Variants in GAB2 observed in about 807,000 individuals in gnomAD.
GAB2 encodes GRB2-associated-binding protein 2.
Under a neutral mutation model 65.5 loss-of-function variants are expected in GAB2, and 26 were observed. That is an observed-to-expected ratio of 0.40 (90% CI 0.29 to 0.55). The LOEUF is 0.55. GAB2 is among the 20% of genes least tolerant of loss of function. The pLI is 0.53. For synonymous variants in GAB2, 321 were observed against 329.6 expected (o/e 0.97, Z 0.28); for missense variants, 884 against 875.8 (o/e 1.01, Z -0.12).
intron 2 of GAB2, among the ~76,000 whole-genome samples, chr11:78,276,227 G>T (rs1373726652): frequency 6.6e-6 from 1 of 151,968 alleles, no homozygotes. Flanking sequence ...TTGAGCCCAG[G>T]AGTTCGAGGC....
At chr11:78,363,840 T>G (rs1856465246) in intron 1 of GAB2, among the ~76,000 whole-genome samples, 1 of 152,010 alleles carries the variant, frequency 6.6e-6, no homozygotes, top group African/African-American at 2.4e-5. Flanking sequence ...CACCTCAGCC[T>G]CCCAAACTGC....
chr11:78,273,481 T>C (rs1590987892), intron 2 of GAB2, among the ~76,000 whole-genome samples: 1 of 152,370 alleles, frequency 6.6e-6, no homozygotes, highest in East Asian at 1.9e-4. Context: ...GTAGCCCCTT[T>C]GTTTTGGCCA....
intron 1 of GAB2, among the ~76,000 whole-genome samples, chr11:78,314,705 T>G (rs779278407): frequency 6.6e-6 from 1 of 152,212 alleles, no homozygotes; most frequent in South Asian, 2.1e-4. Context: ...CCAGGTCACA[T>G]GCTTACTTTA....
chr11:78,275,209 T>TTC, intron 2 of GAB2, among the ~76,000 whole-genome samples: 1 of 152,220 alleles, frequency 6.6e-6, no homozygotes, highest in South Asian at 2.1e-4. Flanking sequence ...TGATAAGAGT[T>TTC]GGGTAGCCCT....
Position 78,223,443 on chromosome 11 carries a change from A to C in GAB2, c.1536T>G (p.Pro512=). 6.3e-7 allele frequency: 1 copy of C among 1,575,812 alleles called. No homozygotes were observed. The highest frequency in any genetic ancestry group is 1.2e-5 in the South Asian group (1 of 85,492). ...GATCAGGTTTGAGGTTGCGGTTGAC[A>C]GGGGGTGGCTGAATCTCACTTCCTC... is the stretch of plus-strand genomic sequence containing the variant. ...PSRGSEIQPP[P]VNRNLKPDRK... Residue 512 remains proline (P), a synonymous_variant, in exon 6 of 10, where the codon CCT becomes CCG. Coordinates refer to ENST00000361507, the MANE Select transcript of GAB2 (RefSeq NM_080491.3).
At chr11:78,345,676 C>T (rs1251206308) in intron 1 of GAB2, among the ~76,000 whole-genome samples, 10 of 152,232 alleles carry the variant, frequency 6.6e-5, no homozygotes, top group African/African-American at 2.4e-4. Flanking sequence ...AAGAATGTAC[C>T]AGTTTGAAAA....
intron 1 of GAB2, among the ~76,000 whole-genome samples, chr11:78,320,208 T>TC (rs1364638605): frequency 6.6e-6 from 1 of 152,166 alleles, no homozygotes; most frequent in African/African-American, 2.4e-5. Context: ...AATTTTATTT[T>TC]CTTTTTTTCT....
intron 1 of GAB2, among the ~76,000 whole-genome samples, chr11:78,353,662 G>A (rs1225645011): frequency 6.6e-6 from 1 of 152,174 alleles, no homozygotes; most frequent in Non-Finnish European, 1.5e-5. Flanking sequence ...GTACAACTCA[G>A]AAACTGAATT....
chr11:78,368,818 T>C (rs1258178387), intron 1 of GAB2, among the ~76,000 whole-genome samples: 1 of 152,070 alleles, frequency 6.6e-6, no homozygotes, highest in African/African-American at 2.4e-5. Flanking sequence ...GGCTCATGCC[T>C]ATAACCCCAG....
At chr11:78,275,230 GCC>G (rs1396497575) in intron 2 of GAB2, among the ~76,000 whole-genome samples, 3 of 152,164 alleles carry the variant, frequency 2.0e-5, no homozygotes, top group Admixed American at 6.5e-5. Flanking sequence ...TCTGAACCCA[GCC>G]AAGGATGGGG....
At chr11:78,281,110 C>T (rs1354801066) in intron 1 of GAB2, among the ~76,000 whole-genome samples, 12 of 152,234 alleles carry the variant, frequency 7.9e-5, no homozygotes, top group South Asian at 6.2e-4. Flanking sequence ...CACATCACCA[C>T]GCCCAGCTAA....
At chr11:78,237,359 A>AG (rs1166607543) in intron 3 of GAB2, among the ~76,000 whole-genome samples, 4 of 152,260 alleles carry the variant, frequency 2.6e-5, no homozygotes, top group African/African-American at 9.6e-5. Context: ...AGGAATAAAA[A>AG]GGAACAAACT....
chr11:78,317,773 A>G (rs1855640166), intron 1 of GAB2, among the ~76,000 whole-genome samples: 1 of 152,146 alleles, frequency 6.6e-6, no homozygotes, highest in Admixed American at 6.5e-5. Context: ...GATCAGCCCT[A>G]AACAGCCCTG....
intron 1 of GAB2, among the ~76,000 whole-genome samples, chr11:78,370,725 A>ATGTGTGTGTCTG (rs1856561277): frequency 6.7e-6 from 1 of 148,786 alleles, no homozygotes; most frequent in Non-Finnish European, 1.5e-5. Flanking sequence ...GTGTGTGTGT[A>ATGTGTGTGTCTG]TGTGTGTGTG....
rs1008595547 is a variant in GAB2, at chr11:78,280,802, G to C, written c.175C>G (p.Arg59Gly). 8 of 1,613,780 alleles carry C rather than the reference G, an allele frequency of 5.0e-6. No homozygotes were observed. In the Admixed American group the frequency reaches 1.3e-4, roughly 27 times the overall value. Residue 59 changes from arginine (R) to glycine (G), a missense_variant, in exon 2 of 10, where the codon CGG becomes GGG. Physicochemically the swap from Arg to Gly is moderately radical, Grantham distance 125 (BLOSUM62 -2). Coordinates refer to ENST00000361507, the MANE Select transcript of GAB2 (RefSeq NM_080491.3). ...TCACAGAAGTTCAGGTTGATGATCC[G>C]CAGAGGCTTCTTGGAGTGATCGTTC... is the stretch of plus-strand genomic sequence containing the variant. ...YKNDHSKKPL[R>G]IINLNFCEQV...
At position 78,322,298 on chromosome 11, in the gene GAB2, C is replaced by CAAAAAAAA. The variant is rs56709163; in HGVS notation, c.76-41405_76-41398dup. 1.2e-3 allele frequency among the ~76,000 whole-genome samples: 14 copies of CAAAAAAAA among 12,074 alleles called. 2 individuals are homozygous for CAAAAAAAA. Among genetic ancestry groups the CAAAAAAAA allele is most frequent in the African/African-American group, 2.4e-3 (12 of 4,964 alleles). 7.9% of individuals were successfully genotyped at this position (12,074 alleles called of 152,430 possible). On this transcript the variant is annotated intron_variant, in intron 1 of 9. Transcript: ENST00000361507. ...TGGCTGACAGAGGGAGACTCTGTCTCAAAAAAAAAAAAAAAAAAAAAAAAA... is the reference window on the plus strand; with the variant it reads ...TGGCTGACAGAGGGAGACTCTGTCTCAAAAAAAAAAAAAAAAAAAAAAAAAAAAAAAAA...
chr11:78,328,158 A>G (rs1855856530), intron 1 of GAB2, among the ~76,000 whole-genome samples: 1 of 152,204 alleles, frequency 6.6e-6, no homozygotes. Context: ...ACGGATATAC[A>G]CACCAAACAC....
rs202165383 is a variant in GAB2 at position 78,223,654 on chromosome 11, C to T, written c.1325G>A (p.Arg442Gln). ...GTCTTCAGAATTGGTGCTGTCCGAT[C>T]GGCCCACAATCATTTTCCCTGGCTA... ...SFLPGKMIVGRSDSTNSEDNY... is the reference protein window; with the variant it reads ...SFLPGKMIVGQSDSTNSEDNY... Residue 442 changes from arginine (R) to glutamine (Q), a missense_variant, in exon 6 of 10, where the codon CGA becomes CAA. Arg to Gln is a conservative substitution (Grantham distance 43, BLOSUM62 1). Coordinates refer to ENST00000361507, the MANE Select transcript of GAB2 (RefSeq NM_080491.3). 257 of 1,605,802 alleles carry T rather than the reference C, an allele frequency of 1.6e-4. No homozygotes were observed. Among genetic ancestry groups the T allele is most frequent in the Admixed American group, 3.2e-4 (19 of 58,754 alleles).
intron 2 of GAB2, among the ~76,000 whole-genome samples, chr11:78,274,316 A>C (rs1032856802): frequency 3.3e-5 from 5 of 152,228 alleles, no homozygotes; most frequent in African/African-American, 1.2e-4. Context: ...AAGGAAAGAA[A>C]GGAAAAGAGG....
Sources: allele counts gnomAD v4.1 joint callset (sites outside exome capture counted in the v4.1 genomes callset), GRCh38; gene constraint gnomAD v4.1.1; transcripts MANE v1.5; gene names NCBI Gene and HGNC (gene_info 2026-07-23, HGNC 2026-07-21).